FGD4: variants seen among roughly 807,000 people sequenced by gnomAD.
The protein encoded by FGD4 is FYVE, RhoGEF and PH domain containing 4, also known as FYVE, RhoGEF and PH domain-containing protein 4.
FGD4 carries 42 observed loss-of-function variants against 102.0 expected under a neutral mutation model. That is an observed-to-expected ratio of 0.41 (90% CI 0.32 to 0.53). The LOEUF is 0.53. Among genes scored for constraint, FGD4 ranks in the 20% least tolerant of loss-of-function variants. The pLI is 0.21. For missense variants in FGD4, 902 were observed against 1,078.2 expected, an observed-to-expected ratio of 0.84 and a Z score of 2.29; for synonymous variants, 380 against 375.7, an observed-to-expected ratio of 1.01 and a Z score of -0.13.
chr12:32,618,455 G>A (rs1226120123), intron 10 of FGD4, among the ~76,000 whole-genome samples: 1 of 151,936 alleles, frequency 6.6e-6, no homozygotes, highest in Non-Finnish European at 1.5e-5. Flanking sequence ...ACCTTTTGGA[G>A]CTTTTTTTCA....
chr12:32,518,813 C>CA (rs1940177761), intron 1 of FGD4, among the ~76,000 whole-genome samples: 1 of 142,850 alleles, frequency 7.0e-6, no homozygotes, highest in Non-Finnish European at 1.5e-5. Flanking sequence ...TTTTTCTTTA[C>CA]AAAAGAAAAA....
At chr12:32,521,351 G>A (rs557472822) in intron 1 of FGD4, among the ~76,000 whole-genome samples, 1 of 144,270 alleles carries the variant, frequency 6.9e-6, no homozygotes, top group South Asian at 2.2e-4. Context: ...ACTCCAGCCT[G>A]GCGACGGCGA....
chr12:32,492,889 A>G (rs537156692), intron 1 of FGD4, among the ~76,000 whole-genome samples: 1 of 152,302 alleles, frequency 6.6e-6, no homozygotes, highest in East Asian at 1.9e-4. Flanking sequence ...TAAAGGTGAA[A>G]AGCTGGTGCT....
chr12:32,555,515 A>C (rs571296444), intron 1 of FGD4, among the ~76,000 whole-genome samples: 20 of 151,692 alleles, frequency 1.3e-4, no homozygotes, highest in Non-Finnish European at 2.4e-4. Flanking sequence ...GTGGGAGACG[A>C]GAACCAAGCA....
chr12:32,574,613 CTTA>C (rs1231317288), intron 2 of FGD4: 1 of 152,080 alleles, frequency 6.6e-6, no homozygotes, highest in Admixed American at 6.6e-5. Context: ...TTGAGATTTT[CTTA>C]TTGTTTGTAT....
chr12:32,612,295 G>A (rs115287776), intron 10 of FGD4, among the ~76,000 whole-genome samples: 92 of 152,340 alleles, frequency 6.0e-4, no homozygotes, highest in African/African-American at 2.1e-3. Flanking sequence ...GGCTGTGCGC[G>A]TGACCCGGAC....
At chr12:32,615,384 C>G (rs1282044268) in intron 10 of FGD4, among the ~76,000 whole-genome samples, 1 of 152,064 alleles carries the variant, frequency 6.6e-6, no homozygotes, top group Non-Finnish European at 1.5e-5. Context: ...GATAGTTGCA[C>G]AATTTACAAC....
intron 16 of FGD4, 67 bp from the exon 17 acceptor site, chr12:32,640,208 AG>A: frequency 6.2e-7 from 1 of 1,611,506 alleles, no homozygotes; most frequent in Non-Finnish European, 8.5e-7. Context: ...GAGGTTTAGT[AG>A]GAGCAAGGGA....
At position 32,527,335 on chromosome 12, in the gene FGD4, G is replaced by A. The variant is rs535829667; in HGVS notation, c.167-36802G>A. Among the ~76,000 whole-genome samples the A allele has an allele frequency of 6.7e-4, 102 of 152,342 alleles. 1 individual carries two copies. In the South Asian group the frequency reaches 0.011, roughly 16 times the overall value. On this transcript the variant is annotated intron_variant, in intron 1 of 16. Coordinates refer to ENST00000534526, the MANE Select transcript of FGD4 (RefSeq NM_001370298.3). Reference sequence around the variant, plus strand: ...CCTAGCCTGTGGAATGCTGACAGAAGCAGTGAGTGAGGATGGTGAGCTCCC... The same window carrying A: ...CCTAGCCTGTGGAATGCTGACAGAAACAGTGAGTGAGGATGGTGAGCTCCC...
In FGD4 at chr12:32,644,990, C is replaced by T. The variant is rs1397531965; in HGVS notation, c.*4457C>T. 1 of 151,966 alleles carries T rather than the reference C, an allele frequency of 6.6e-6. No individual in the cohort carries two copies. The highest frequency in any genetic ancestry group is 2.4e-5 in the African/African-American group (1 of 41,402). 9.4% of individuals were successfully genotyped at this position (151,966 alleles called of 1,614,324 possible). A position where few individuals can be genotyped will look rare whatever the true frequency, so the allele number is the denominator to read the frequency against. ...TCCTGTATTTTGACATGAAATAGCACATGGCTTCTACAAGATAGTTTTAAC... is the reference window on the plus strand; with the variant it reads ...TCCTGTATTTTGACATGAAATAGCATATGGCTTCTACAAGATAGTTTTAAC... On this transcript the variant is annotated 3_prime_UTR_variant, in exon 17 of 17. Transcript: ENST00000534526.
intron 1 of FGD4, among the ~76,000 whole-genome samples, chr12:32,403,849 C>T (rs1329000426): frequency 1.3e-5 from 2 of 152,076 alleles, no homozygotes; most frequent in African/African-American, 4.8e-5. Flanking sequence ...CCCGCCTCGG[C>T]CTCCCAAAGT....
At chr12:32,552,760 T>C (rs1056440269) in intron 1 of FGD4, among the ~76,000 whole-genome samples, 11 of 150,490 alleles carry the variant, frequency 7.3e-5, no homozygotes, top group Admixed American at 4.0e-4. Context: ...CCAGCTCCAA[T>C]GCAAGAGTCA....
intron 1 of FGD4, among the ~76,000 whole-genome samples, chr12:32,523,083 G>A (rs529542440): frequency 4.8e-4 from 73 of 152,316 alleles, no homozygotes; most frequent in Admixed American, 9.1e-4. Context: ...CTTCTGCATA[G>A]TGGAGTAGCT....
intron 1 of FGD4, among the ~76,000 whole-genome samples, chr12:32,472,294 G>A (rs1354825864): frequency 6.6e-6 from 1 of 152,242 alleles, no homozygotes; most frequent in African/African-American, 2.4e-5. Flanking sequence ...TGTGGAGGGA[G>A]AGGCACGAGC....
intron 1 of FGD4, among the ~76,000 whole-genome samples, chr12:32,502,976 G>GC (rs1938358712): frequency 6.6e-6 from 1 of 152,270 alleles, no homozygotes; most frequent in East Asian, 1.9e-4. Flanking sequence ...TATTTCAACA[G>GC]CCCCTTAAAA....
intron 1 of FGD4, among the ~76,000 whole-genome samples, chr12:32,517,775 A>G (rs1280618333): frequency 2.0e-5 from 3 of 152,042 alleles, no homozygotes; most frequent in Non-Finnish European, 4.4e-5. Flanking sequence ...AGTCCCAGCT[A>G]TTTGGGAGGC....
intron 1 of FGD4, among the ~76,000 whole-genome samples, chr12:32,518,988 G>C (rs1305620592): frequency 6.6e-6 from 1 of 151,736 alleles, no homozygotes; most frequent in Non-Finnish European, 1.5e-5. Flanking sequence ...GGTGGCACAT[G>C]CCCGTAATCC....
At chr12:32,547,031 A>G (rs556974158) in intron 1 of FGD4, among the ~76,000 whole-genome samples, 4 of 152,364 alleles carry the variant, frequency 2.6e-5, no homozygotes, top group South Asian at 2.1e-4. Context: ...AAGGCACAGA[A>G]TTAGGGCAAA....
intron 3 of FGD4, among the ~76,000 whole-genome samples, chr12:32,577,192 T>C (rs1445612711): frequency 2.0e-5 from 3 of 152,186 alleles, no homozygotes; most frequent in Admixed American, 6.5e-5. Flanking sequence ...TCTTAGTCTT[T>C]TGATAAAAAG....
Sources: gnomAD v4.1 joint callset for allele counts (sites outside exome capture counted in the v4.1 genomes callset) on GRCh38, gnomAD v4.1.1 for gene constraint, MANE v1.5 for transcripts, NCBI Gene and HGNC (gene_info 2026-07-23, HGNC 2026-07-21) for gene names.